The following PPM1L variants were observed in gnomAD, a reference collection of about 807,000 sequenced individuals.
PPM1L encodes the protein protein phosphatase, Mg2+/Mn2+ dependent 1L, also known as protein phosphatase 1L.
Under a neutral mutation model 31.4 loss-of-function variants are expected in PPM1L, and 13 were observed. That is an observed-to-expected ratio of 0.41 (90% CI 0.27 to 0.66). PPM1L has a LOEUF of 0.66. Ranked by LOEUF, PPM1L falls within the 30% of genes least tolerant of loss-of-function variation. The probability of loss-of-function intolerance (pLI) is 0.29; values close to 1 mark genes in which losing one functional copy is unlikely to be tolerated. For missense variants in PPM1L, 326 were observed against 453.7 expected, an observed-to-expected ratio of 0.72 and a Z score of 2.56; for synonymous variants, 184 against 175.4, an observed-to-expected ratio of 1.05 and a Z score of -0.39.
chr3:160,856,203 T>G (rs1711696440), intron 1 of PPM1L, among the ~76,000 whole-genome samples: 1 of 151,892 alleles, frequency 6.6e-6, no homozygotes, highest in Non-Finnish European at 1.5e-5. Flanking sequence ...CCCAGTCCAC[T>G]TACACAAATG....
At chr3:160,961,999 A>G in intron 2 of PPM1L, 89 bp downstream of exon 2, 1 of 976,138 alleles carries the variant, frequency 1.0e-6, no homozygotes, top group Non-Finnish European at 1.5e-6. Flanking sequence ...GGTTAAGGGC[A>G]AACTAGATTC....
At chr3:161,066,613 G>A (rs1719748283) in intron 3 of PPM1L, among the ~76,000 whole-genome samples, 1 of 152,160 alleles carries the variant, frequency 6.6e-6, no homozygotes, top group South Asian at 2.1e-4. Context: ...CTATGTAAGG[G>A]AAGAATTCTG....
At chr3:160,850,234 G>A (rs1294665414) in intron 1 of PPM1L, among the ~76,000 whole-genome samples, 7 of 152,180 alleles carry the variant, frequency 4.6e-5, no homozygotes, top group Non-Finnish European at 5.9e-5. Context: ...CCCAAGAACA[G>A]CCAGATGAAA....
chr3:160,880,147 C>G (rs906773550), intron 1 of PPM1L, among the ~76,000 whole-genome samples: 1 of 152,088 alleles, frequency 6.6e-6, no homozygotes, highest in African/African-American at 2.4e-5. Flanking sequence ...ATCTTCTTGG[C>G]AGCAGTAGGA....
chr3:161,017,295 A>G (rs551709279), intron 2 of PPM1L, among the ~76,000 whole-genome samples: 1 of 152,338 alleles, frequency 6.6e-6, no homozygotes, highest in South Asian at 2.1e-4. Flanking sequence ...CAATAAATAG[A>G]AAATTATCAG....
intron 1 of PPM1L, among the ~76,000 whole-genome samples, chr3:160,823,653 T>C (rs2108092532): frequency 6.6e-6 from 1 of 152,302 alleles, no homozygotes; most frequent in East Asian, 1.9e-4. Context: ...TTGTTACCAT[T>C]TCTTAAACAT....
intron 2 of PPM1L, among the ~76,000 whole-genome samples, chr3:161,051,482 G>C (rs1719279163): frequency 6.6e-6 from 1 of 151,936 alleles, no homozygotes; most frequent in African/African-American, 2.4e-5. Flanking sequence ...TCAGTAATAT[G>C]CTTGTATTTT....
intron 1 of PPM1L, among the ~76,000 whole-genome samples, chr3:160,897,235 G>T (rs902412583): frequency 6.6e-6 from 1 of 151,960 alleles, no homozygotes; most frequent in South Asian, 2.1e-4. Context: ...TAGAGATGGG[G>T]TTTCACCATG....
chr3:160,931,124 T>C (rs983509159), intron 1 of PPM1L, among the ~76,000 whole-genome samples: 5 of 152,204 alleles, frequency 3.3e-5, no homozygotes, highest in African/African-American at 1.2e-4. Context: ...GACAAACATT[T>C]GAAATAAAAA....
chr3:160,832,461 A>G (rs1310010230), intron 1 of PPM1L, among the ~76,000 whole-genome samples: 1 of 152,106 alleles, frequency 6.6e-6, no homozygotes, highest in African/African-American at 2.4e-5. Flanking sequence ...ATTTTAAGGT[A>G]TTTGGGATTG....
At chr3:161,064,252 A>G (rs1328788821) in intron 2 of PPM1L, among the ~76,000 whole-genome samples, 13 of 151,316 alleles carry the variant, frequency 8.6e-5, no homozygotes, top group Non-Finnish European at 8.8e-5. Context: ...CTGTAGTCCC[A>G]GCTACTCCAG....
At chr3:160,791,559 CA>C (rs1349422999) in intron 1 of PPM1L, among the ~76,000 whole-genome samples, 1 of 152,084 alleles carries the variant, frequency 6.6e-6, no homozygotes, top group Non-Finnish European at 1.5e-5. Flanking sequence ...TGCTGTGTGA[CA>C]GGTATTGTTC....
At chr3:160,956,324 C>T (rs1437133867) in intron 1 of PPM1L, among the ~76,000 whole-genome samples, 2 of 152,184 alleles carry the variant, frequency 1.3e-5, no homozygotes, top group Middle Eastern at 3.2e-3. Context: ...CATATTTTTA[C>T]TCTAGCTGTT....
intron 1 of PPM1L, among the ~76,000 whole-genome samples, chr3:160,850,643 A>C (rs1241655977): frequency 6.6e-6 from 1 of 152,144 alleles, no homozygotes; most frequent in Non-Finnish European, 1.5e-5. Flanking sequence ...ATACAAAAAG[A>C]AACATCATTT....
chr3:160,990,234 G>A (rs974145475), intron 2 of PPM1L, among the ~76,000 whole-genome samples: 9 of 150,914 alleles, frequency 6.0e-5, no homozygotes, highest in South Asian at 2.1e-4. Flanking sequence ...ACTCCTGGGC[G>A]CAAATGATTC....
intron 1 of PPM1L, among the ~76,000 whole-genome samples, chr3:160,952,411 T>C (rs1311375757): frequency 6.6e-6 from 1 of 152,148 alleles, no homozygotes; most frequent in Non-Finnish European, 1.5e-5. Flanking sequence ...ATTACTCCCT[T>C]CTCTCTTCTT....
intron 2 of PPM1L, among the ~76,000 whole-genome samples, chr3:161,037,197 A>G (rs1718765052): frequency 1.3e-5 from 2 of 152,250 alleles, no homozygotes; most frequent in South Asian, 4.1e-4. Flanking sequence ...TGATGGGATA[A>G]TACTTCTGAG....
At chr3:160,873,679 C>T (rs936934840) in intron 1 of PPM1L, among the ~76,000 whole-genome samples, 1 of 152,072 alleles carries the variant, frequency 6.6e-6, no homozygotes, top group Non-Finnish European at 1.5e-5. Flanking sequence ...TCCTGAGAAG[C>T]TGGGACTACA....
intron 1 of PPM1L, among the ~76,000 whole-genome samples, chr3:160,954,251 G>C (rs890010141): frequency 6.6e-6 from 1 of 151,620 alleles, no homozygotes; most frequent in African/African-American, 2.4e-5. Flanking sequence ...GAAAACTTTA[G>C]AGAGAAAAAA....
Sources: gnomAD v4.1 joint callset for allele counts (sites outside exome capture counted in the v4.1 genomes callset) on GRCh38, gnomAD v4.1.1 for gene constraint, MANE v1.5 for transcripts, NCBI Gene and HGNC (gene_info 2026-07-23, HGNC 2026-07-21) for gene names.